MARCHF1: variants seen among roughly 807,000 people sequenced by gnomAD.
The protein encoded by MARCHF1 is E3 ubiquitin-protein ligase MARCHF1.
In MARCHF1, 40 loss-of-function variants were observed where a neutral mutation model predicts 54.2. That is an observed-to-expected ratio of 0.74 (90% CI 0.57 to 0.96). The LOEUF (loss-of-function observed/expected upper bound fraction) is 0.96. Ranked by LOEUF, MARCHF1 falls within the 40% of genes least tolerant of loss-of-function variation. The probability of loss-of-function intolerance (pLI) is 0.00; values close to 1 mark genes in which losing one functional copy is unlikely to be tolerated. For missense variants in MARCHF1, 586 were observed against 656.5 expected (o/e 0.89, Z 1.17); for synonymous variants, 236 against 236.3 (o/e 1.00, Z 0.01).
intron 1 of MARCHF1, among the ~76,000 whole-genome samples, chr4:164,224,604 A>T (rs1408330466): frequency 6.6e-6 from 1 of 152,036 alleles, no homozygotes; most frequent in Admixed American, 6.6e-5. Flanking sequence ...CTTTTACATG[A>T]AAGCATTTTC....
At chr4:163,727,833 C>T (rs9683717) in intron 4 of MARCHF1, among the ~76,000 whole-genome samples, 5,808 of 151,910 alleles carry the variant, frequency 0.038, 171 homozygotes, top group East Asian at 0.076. Context: ...CCACCATGCT[C>T]GGGTATTTTT....
At chr4:163,634,003 A>G (rs1742211053) in intron 5 of MARCHF1, among the ~76,000 whole-genome samples, 1 of 152,186 alleles carries the variant, frequency 6.6e-6, no homozygotes, top group Admixed American at 6.5e-5. Context: ...ACTAAGCTTC[A>G]TAAGTGAAGG....
intron 1 of MARCHF1, among the ~76,000 whole-genome samples, chr4:164,133,623 G>T (rs1756344679): frequency 6.6e-6 from 1 of 152,180 alleles, no homozygotes. Flanking sequence ...AATGACCAAA[G>T]ATTAGTTATT....
intron 2 of MARCHF1, among the ~76,000 whole-genome samples, chr4:163,991,637 C>T (rs1156739845): frequency 6.6e-6 from 1 of 152,126 alleles, no homozygotes; most frequent in Non-Finnish European, 1.5e-5. Flanking sequence ...CCAGAATAAT[C>T]GTGGATACAG....
At chr4:163,829,714 C>T (rs918851783) in intron 4 of MARCHF1, among the ~76,000 whole-genome samples, 1 of 152,170 alleles carries the variant, frequency 6.6e-6, no homozygotes, top group Non-Finnish European at 1.5e-5. Context: ...AACACTGTTT[C>T]TGCCAGCATT....
In MARCHF1 at chr4:163,815,795, T is replaced by C. The variant is rs1748516407; in HGVS notation, c.111+38226A>G. Among the ~76,000 whole-genome samples, 6 of 152,300 alleles carry C rather than the reference T, an allele frequency of 3.9e-5. No homozygotes were observed. The South Asian group carries it at 1.2e-3, about 32-fold the overall frequency. On this transcript the variant is annotated intron_variant, in intron 4 of 9. Coordinates refer to ENST00000514618, the MANE Select transcript of MARCHF1 (RefSeq NM_001394959.1). ...TGTAAGAGATATTACAGAAAAGCAT[T>C]TACTTCATAGAAAAATCATAGAAGC...
At chr4:164,028,487 C>T (rs1481336355) in intron 2 of MARCHF1, among the ~76,000 whole-genome samples, 5 of 152,038 alleles carry the variant, frequency 3.3e-5, no homozygotes, top group African/African-American at 9.7e-5. Context: ...AACCAAATAC[C>T]ACATGTTCTC....
chr4:163,637,962 AATC>A (rs1742402990), intron 5 of MARCHF1, among the ~76,000 whole-genome samples: 1 of 151,042 alleles, frequency 6.6e-6, no homozygotes, highest in Non-Finnish European at 1.5e-5. Context: ...TGAAATTGGA[AATC>A]ATCATTCTCA....
At chr4:163,873,288 A>T (rs1357050201) in intron 3 of MARCHF1, among the ~76,000 whole-genome samples, 1 of 152,208 alleles carries the variant, frequency 6.6e-6, no homozygotes, top group Admixed American at 6.5e-5. Flanking sequence ...GTGGGGACAG[A>T]GGACCAAGTT....
intron 2 of MARCHF1, among the ~76,000 whole-genome samples, chr4:164,101,450 T>C (rs1357413513): frequency 8.2e-6 from 1 of 122,598 alleles, no homozygotes; most frequent in African/African-American, 2.8e-5. Flanking sequence ...AGTGGGTTCC[T>C]GACCCCTGAC....
At chr4:163,595,731 G>C (rs144002245) in intron 7 of MARCHF1, among the ~76,000 whole-genome samples, 1 of 152,204 alleles carries the variant, frequency 6.6e-6, no homozygotes, top group East Asian at 1.9e-4. Flanking sequence ...GAGTAGAATA[G>C]TGGCTGCCAA....
intron 3 of MARCHF1, among the ~76,000 whole-genome samples, chr4:163,872,976 G>A (rs1323349237): frequency 6.6e-6 from 1 of 151,944 alleles, no homozygotes; most frequent in Non-Finnish European, 1.5e-5. Context: ...CCCTGGAGGC[G>A]GAGCTTGCAG....
rs115100486 is a variant in MARCHF1 at position 163,716,963 on chromosome 4, T to C, written c.112-16100A>G. On this transcript the variant is annotated intron_variant, in intron 4 of 9. Coordinates refer to ENST00000514618, the MANE Select transcript of MARCHF1 (RefSeq NM_001394959.1). The stretch of plus-strand genomic sequence containing the variant: ...GTTTTATTATTAAATTTAACACTTA[T>C]TAAAATCTACACATACACATTTATT... Among the ~76,000 whole-genome samples the C allele has an allele frequency of 7.6e-3, 1,149 of 151,950 alleles. 8 individuals carry two copies. The highest frequency in any genetic ancestry group is 0.022 in the South Asian group (104 of 4,806).
At chr4:163,928,969 A>G (rs557971882) in intron 3 of MARCHF1, among the ~76,000 whole-genome samples, 154 of 152,048 alleles carry the variant, frequency 1.0e-3, no homozygotes, top group Admixed American at 1.9e-3. Flanking sequence ...ATGTGCTTCT[A>G]TTTAAGAAGC....
At chr4:163,836,064 G>A (rs975322921) in intron 4 of MARCHF1, among the ~76,000 whole-genome samples, 3 of 152,014 alleles carry the variant, frequency 2.0e-5, no homozygotes, top group African/African-American at 7.2e-5. Flanking sequence ...ACCTGGGATG[G>A]TATTAGGCAA....
At chr4:164,159,279 C>T (rs1366234845) in intron 1 of MARCHF1, among the ~76,000 whole-genome samples, 1 of 152,022 alleles carries the variant, frequency 6.6e-6, no homozygotes, top group Non-Finnish European at 1.5e-5. Flanking sequence ...CAAAAGTAAT[C>T]GTGGATTTTG....
intron 7 of MARCHF1, among the ~76,000 whole-genome samples, chr4:163,588,012 C>T (rs10026766): frequency 0.049 from 7,461 of 152,104 alleles, 399 homozygotes; most frequent in East Asian, 0.19. Context: ...AACTGAAACC[C>T]AACATTGCCA....
intron 2 of MARCHF1, among the ~76,000 whole-genome samples, chr4:164,000,273 C>T (rs1373832089): frequency 1.3e-5 from 2 of 151,646 alleles, no homozygotes; most frequent in South Asian, 4.2e-4. Flanking sequence ...ATAAATGAAA[C>T]ATAGATATGC....
chr4:164,284,588 C>A (rs1734101769), intron 1 of MARCHF1, among the ~76,000 whole-genome samples: 1 of 150,976 alleles, frequency 6.6e-6, no homozygotes, highest in South Asian at 2.1e-4. Flanking sequence ...TTTTAAATAG[C>A]TCCTACAGTC....
Sources: allele counts gnomAD v4.1 joint callset (sites outside exome capture counted in the v4.1 genomes callset), GRCh38; gene constraint gnomAD v4.1.1; transcripts MANE v1.5; gene names NCBI Gene and HGNC (gene_info 2026-07-23, HGNC 2026-07-21).